The following DENND2A variants were observed in gnomAD, a reference collection of about 807,000 sequenced individuals.
DENND2A encodes the protein DENN domain containing 2A.
Under a neutral mutation model 105.3 loss-of-function variants are expected in DENND2A, and 53 were observed. The observed-to-expected ratio is 0.50, with a 90% CI of 0.40 to 0.63. The LOEUF is 0.63. DENND2A is among the 30% of genes least tolerant of loss of function. The probability of loss-of-function intolerance (pLI) is 0.00; values close to 1 mark genes in which losing one functional copy is unlikely to be tolerated. For synonymous variants in DENND2A, 522 were observed against 508.4 expected (o/e 1.03, Z -0.36); for missense variants, 1,138 against 1,279.6 (o/e 0.89, Z 1.69).
rs1380174536 is a variant in DENND2A at position 140,559,610 on chromosome 7, T to C, written c.1889+98A>G. 2.3e-6 allele frequency: 2 copies of C among 857,784 alleles called. No homozygotes were observed. Among genetic ancestry groups the C allele is most frequent in the African/African-American group, 3.4e-5 (2 of 59,064 alleles). 53.1% of individuals were successfully genotyped at this position (857,784 alleles called of 1,614,324 possible). ...CTAGGCCAGGCCCATCAGGATTACT[T>C]AACGGTGGGAATGACTCATGTGGTC... is the stretch of plus-strand genomic sequence containing the variant. On this transcript the variant is annotated intron_variant, in intron 10 of 19. Transcript: ENST00000496613. This position sits in a 1 kb window ranked among gnomAD's most constrained non-coding sequence, Gnocchi z 4.1.
intron 13 of DENND2A, 78 bp downstream of exon 13, chr7:140,546,721 G>A (rs903241115): frequency 1.3e-6 from 2 of 1,558,336 alleles, no homozygotes; most frequent in African/African-American, 2.7e-5. Flanking sequence ...TCACTGAAAG[G>A]CAGCCCCTCT....
At chr7:140,614,002 T>C (rs1799998267) in intron 1 of DENND2A, among the ~76,000 whole-genome samples, 1 of 152,218 alleles carries the variant, frequency 6.6e-6, no homozygotes, top group Non-Finnish European at 1.5e-5. Flanking sequence ...TCTCCCCTTT[T>C]TTCTTTTCCT....
At chr7:140,541,432 G>A (rs1192379931) in intron 14 of DENND2A, among the ~76,000 whole-genome samples, 1 of 152,128 alleles carries the variant, frequency 6.6e-6, no homozygotes, top group African/African-American at 2.4e-5. Context: ...CACTCCTGGG[G>A]GGTGCTGGGT....
At chr7:140,640,964 G>C (rs1263261341), upstream of DENND2A, among the ~76,000 whole-genome samples, 1 of 150,832 alleles carries the variant, frequency 6.6e-6, no homozygotes, top group Non-Finnish European at 1.5e-5. The surrounding 1 kb of genome is among the most constrained non-coding windows in gnomAD (Gnocchi z 4.9). Context: ...TGCCGGACTC[G>C]CCCCCTCGCC....
chr7:140,527,393 C>A lies in DENND2A; in HGVS notation c.2430G>T (p.Val810=). 6.2e-7 allele frequency: 1 copy of A among 1,609,286 alleles called. No homozygotes were observed. Among genetic ancestry groups the A allele is most frequent in the Non-Finnish European group, 8.5e-7 (1 of 1,178,842 alleles). Residue 810 remains valine (V), a synonymous_variant, in exon 15 of 20, where the codon GTG becomes GTT. Coordinates refer to ENST00000496613, the MANE Select transcript of DENND2A (RefSeq NM_015689.5). The surrounding 1 kb of genome is among the most constrained non-coding windows in gnomAD (Gnocchi z 4.9). ...PVLPPAMVDI[V]CSPTPFLIGL... ...CGATGAGGAAGGGCGTCGGCGAGCA[C>A]ACGATGTCGACCATGGCGGGTGGCA...
chr7:140,584,893 T>C (rs961587840), intron 5 of DENND2A, among the ~76,000 whole-genome samples: 1 of 152,188 alleles, frequency 6.6e-6, no homozygotes, highest in Admixed American at 6.5e-5. Context: ...CATGTATGTA[T>C]ATTCTTTCAT....
chr7:140,619,088 G>C (rs763251074), intron 1 of DENND2A, among the ~76,000 whole-genome samples: 1 of 152,110 alleles, frequency 6.6e-6, no homozygotes, highest in African/African-American at 2.4e-5. Flanking sequence ...ATGAGCCACC[G>C]CGCCCGGCCT....
chr7:140,618,412 C>G (rs1189975038), intron 1 of DENND2A, among the ~76,000 whole-genome samples: 2 of 152,132 alleles, frequency 1.3e-5, no homozygotes, highest in Non-Finnish European at 2.9e-5. Flanking sequence ...GGCCGGAAAC[C>G]CAGCTAAGAA....
At chr7:140,598,189 A>G (rs1457484142) in intron 3 of DENND2A, among the ~76,000 whole-genome samples, 6 of 152,224 alleles carry the variant, frequency 3.9e-5, no homozygotes, top group Admixed American at 2.6e-4. Context: ...TAAAATATAA[A>G]TTCAATATGA....
chr7:140,591,283 C>T (rs931539376), intron 3 of DENND2A, among the ~76,000 whole-genome samples: 1 of 152,194 alleles, frequency 6.6e-6, no homozygotes, highest in Non-Finnish European at 1.5e-5. Flanking sequence ...TGCACTCTCA[C>T]TCATTTTGAG....
In DENND2A at chr7:140,640,020, C is replaced by T. The variant is rs576058494; in HGVS notation, c.-248+484G>A. ...TCAATCATCTTTACCTTCTTGCTTT[C>T]CCAAGACTGCAAATGCTGACCGCTG... On this transcript the variant is annotated intron_variant, in intron 1 of 19. Transcript: ENST00000496613. The surrounding 1 kb of genome is among the most constrained non-coding windows in gnomAD (Gnocchi z 4.9). 6.6e-6 allele frequency among the ~76,000 whole-genome samples: 1 copy of T among 152,368 alleles called. No individual in the cohort carries two copies. The highest frequency in any genetic ancestry group is 2.1e-4 in the South Asian group (1 of 4,830).
At chr7:140,592,413 G>A (rs952852229) in intron 3 of DENND2A, among the ~76,000 whole-genome samples, 17 of 151,472 alleles carry the variant, frequency 1.1e-4, no homozygotes, top group African/African-American at 3.4e-4. Flanking sequence ...GGGTTTCACC[G>A]TGTTAGCCAG....
chr7:140,561,922 C>T (rs942410532), intron 9 of DENND2A, among the ~76,000 whole-genome samples: 4 of 151,866 alleles, frequency 2.6e-5, no homozygotes, highest in African/African-American at 7.3e-5. Flanking sequence ...TGGACTCTTG[C>T]TCTGTCACCG....
intron 14 of DENND2A, among the ~76,000 whole-genome samples, chr7:140,541,680 C>T (rs1348015541): frequency 2.0e-5 from 3 of 152,216 alleles, no homozygotes; most frequent in African/African-American, 7.2e-5. Flanking sequence ...TTCCCCAGTG[C>T]CCGGGAGCTT....
chr7:140,522,051 G>T lies in DENND2A; in HGVS notation c.2715C>A (p.Arg905=). The change falls in exon 18 of 20, where the codon CGC becomes CGA. Residue 905 remains arginine (R), a synonymous_variant. Transcript: ENST00000496613. ...LNEVVSEAFV[R]FFVEIVGHYS... ...AGTGTCCCACAATCTCCACGAAGAA[G>T]CGGACAAAGGCTTCAGACACCACCT... 2 of 1,614,180 alleles carry T rather than the reference G, an allele frequency of 1.2e-6. No individual in the cohort carries two copies. Among genetic ancestry groups the T allele is most frequent in the Non-Finnish European group, 1.7e-6 (2 of 1,180,042 alleles).
chr7:140,528,882 G>C (rs6948774), intron 14 of DENND2A, among the ~76,000 whole-genome samples: 21,867 of 152,116 alleles, frequency 0.14, 2,449 homozygotes, highest in African/African-American at 0.31. Context: ...ACTTTGGGAG[G>C]CTGAGGTGGT....
chr7:140,561,716 T>C (rs4726898), intron 9 of DENND2A, among the ~76,000 whole-genome samples: 75,279 of 148,344 alleles, frequency 0.51, 20,623 homozygotes, highest in East Asian at 0.84. Context: ...GGTTTCACCA[T>C]GTTGGCCAGG....
At chr7:140,552,803 T>C (rs1797192347) in intron 12 of DENND2A, among the ~76,000 whole-genome samples, 1 of 152,072 alleles carries the variant, frequency 6.6e-6, no homozygotes, top group Non-Finnish European at 1.5e-5. Flanking sequence ...ACTCTTGGGC[T>C]CAAGTGATCT....
intron 6 of DENND2A, 134 bp from the exon 7 acceptor site, chr7:140,569,872 T>C: frequency 1.5e-6 from 1 of 665,484 alleles, no homozygotes; most frequent in Non-Finnish European, 2.7e-6. Context: ...TCCCATGGGC[T>C]CATGGGTGTC....
Sources: allele counts gnomAD v4.1 joint callset (sites outside exome capture counted in the v4.1 genomes callset), GRCh38; gene constraint gnomAD v4.1.1; non-coding constraint Gnocchi (gnomAD v3.1); transcripts MANE v1.5; gene names NCBI Gene and HGNC (gene_info 2026-07-23, HGNC 2026-07-21).